Variants in ZNF326 observed in about 807,000 individuals in gnomAD.
The protein encoded by ZNF326 is zinc finger protein 326.
Under a neutral mutation model 63.1 loss-of-function variants are expected in ZNF326, and 30 were observed. The observed-to-expected ratio is 0.48, with a 90% CI of 0.36 to 0.64. The LOEUF (loss-of-function observed/expected upper bound fraction) is 0.64, where lower values mean the gene tolerates loss of function less well. ZNF326 is among the 30% of genes least tolerant of loss of function. The pLI is 0.00. For synonymous variants in ZNF326, 194 were observed against 228.2 expected, an observed-to-expected ratio of 0.85 and a Z score of 1.35; for missense variants, 609 against 720.3, an observed-to-expected ratio of 0.85 and a Z score of 1.77.
intron 11 of ZNF326, 39 bp from the exon 12 acceptor site, chr1:90,027,315 G>T: frequency 6.3e-7 from 1 of 1,590,316 alleles, no homozygotes; most frequent in Non-Finnish European, 8.6e-7. Context: ...ATGTAATAAT[G>T]AATGTGCTGA....
chr1:90,020,778 G>T lies in ZNF326; in HGVS notation c.1175-14G>T. On this transcript the variant is annotated splice_polypyrimidine_tract_variant and intron_variant, in intron 9 of 11. Transcript: ENST00000340281. ...ATATGAATTATTTCTTTAATAATTG[G>T]ATGTCTTTTGTAGGTGTTACTGTAG... is the stretch of plus-strand genomic sequence containing the variant. 1 of 1,590,584 alleles carries T rather than the reference G, an allele frequency of 6.3e-7. No homozygotes were observed. Among genetic ancestry groups the T allele is most frequent in the Non-Finnish European group, 8.5e-7 (1 of 1,170,432 alleles).
At chr1:90,023,715 T>C (rs1649880102) in intron 11 of ZNF326, among the ~76,000 whole-genome samples, 1 of 152,192 alleles carries the variant, frequency 6.6e-6, no homozygotes, top group Non-Finnish European at 1.5e-5. Context: ...ATGAAGATAA[T>C]TTTTAATGAG....
chr1:89,997,593 C>T (rs1648448987), intron 1 of ZNF326, among the ~76,000 whole-genome samples: 1 of 152,096 alleles, frequency 6.6e-6, no homozygotes, highest in East Asian at 1.9e-4. Context: ...GGGCTGGTCT[C>T]GAACTCCTGA....
chr1:90,012,627 AAAG>A (rs1419462606), intron 6 of ZNF326, among the ~76,000 whole-genome samples: 1 of 152,224 alleles, frequency 6.6e-6, no homozygotes, highest in African/African-American at 2.4e-5. Flanking sequence ...ATTTTTTAAA[AAAG>A]AGAACAAATT....
intron 2 of ZNF326, among the ~76,000 whole-genome samples, chr1:90,000,885 C>T (rs1221873119): frequency 2.6e-5 from 4 of 152,104 alleles, no homozygotes; most frequent in African/African-American, 4.8e-5. Context: ...ATGAGCATTC[C>T]AGGCAGAGGG....
intron 1 of ZNF326, among the ~76,000 whole-genome samples, chr1:89,997,824 G>A (rs939170061): frequency 6.6e-6 from 1 of 152,172 alleles, no homozygotes; most frequent in Admixed American, 6.5e-5. Flanking sequence ...GTACAAATCA[G>A]TGCTGAATCC....
intron 11 of ZNF326, among the ~76,000 whole-genome samples, chr1:90,024,980 G>GTTTTTTTTTTTTTT (rs563668519): frequency 7.8e-6 from 1 of 128,536 alleles, no homozygotes; most frequent in Non-Finnish European, 1.6e-5. Context: ...TTTTTTTCCT[G>GTTTTTTTTTTTTTT]TTTTTTTTTT....
At chr1:90,015,269 A>G (rs1649449457) in intron 7 of ZNF326, among the ~76,000 whole-genome samples, 1 of 152,174 alleles carries the variant, frequency 6.6e-6, no homozygotes, top group Admixed American at 6.5e-5. Flanking sequence ...GTTTATATCT[A>G]CCCTTAAGGG....
intron 11 of ZNF326, among the ~76,000 whole-genome samples, chr1:90,023,453 AAAT>A (rs959157935): frequency 1.3e-5 from 2 of 152,176 alleles, no homozygotes; most frequent in African/African-American, 4.8e-5. Context: ...TTTCCAAGCT[AAAT>A]AATATTAGTT....
chr1:89,995,441 C>T (rs994620378), intron 1 of ZNF326, among the ~76,000 whole-genome samples, 168 bp downstream of exon 1: 2 of 152,236 alleles, frequency 1.3e-5, no homozygotes, highest in Middle Eastern at 3.2e-3. Flanking sequence ...TGGGGACCCA[C>T]GCGCCCCGAT....
Position 90,007,850 on chromosome 1 carries a change from G to T in ZNF326, c.615+100G>T. On this transcript the variant is annotated intron_variant, in intron 5 of 11. Transcript: ENST00000340281. The surrounding 1 kb of genome is among the most constrained non-coding windows in gnomAD (Gnocchi z 4.9). The stretch of plus-strand genomic sequence containing the variant: ...ACTAGAATAAACACTGTTCATCCCG[G>T]TGTATTTTGAAGCAAAAGCTGAGTC... The T allele has an allele frequency of 1.7e-6, 2 of 1,184,030 alleles. No individual in the cohort carries two copies. Among genetic ancestry groups the T allele is most frequent in the Non-Finnish European group, 2.2e-6 (2 of 909,262 alleles). 73.3% of individuals were successfully genotyped at this position (1,184,030 alleles called of 1,614,324 possible). A position where few individuals can be genotyped will look rare whatever the true frequency, so the allele number is the denominator to read the frequency against.
At chr1:90,012,595 G>T (rs568871051) in intron 6 of ZNF326, among the ~76,000 whole-genome samples, 2 of 152,248 alleles carry the variant, frequency 1.3e-5, no homozygotes, top group South Asian at 4.1e-4. Flanking sequence ...TATGTTTTGT[G>T]TATTTTATCA....
In ZNF326 at chr1:89,995,154, C is replaced by G. The variant is rs1648274848; in HGVS notation, c.-104C>G. The G allele has an allele frequency of 4.3e-6, 6 of 1,399,296 alleles. No individual in the cohort carries two copies. Among genetic ancestry groups the G allele is most frequent in the South Asian group, 2.5e-5 (2 of 78,572 alleles). The allele number at this position is 1,399,296 out of a possible 1,614,324, so 86.7% of individuals were successfully genotyped here. A position where few individuals can be genotyped will look rare whatever the true frequency, so the allele number is the denominator to read the frequency against. On this transcript the variant is annotated 5_prime_UTR_variant, in exon 1 of 12. Coordinates refer to ENST00000340281, the MANE Select transcript of ZNF326 (RefSeq NM_182976.4). ...GCTCCCGGGCTGGTAGCGCGCCGCT[C>G]TCGGTCGCGCGGAGTGATCGTGTGG...
Position 90,028,100 on chromosome 1 carries a change from A to C in ZNF326, c.*399A>C. ...TTACCCTGGAAGATATAAACTGGGC[A>C]AGTATTTTGTGCTCTGTGTATTTTT... On this transcript the variant is annotated 3_prime_UTR_variant, in exon 12 of 12. Transcript: ENST00000340281. 5.5e-6 allele frequency: 1 copy of C among 181,978 alleles called. No homozygotes were observed. Among genetic ancestry groups the C allele is most frequent in the Non-Finnish European group, 1.2e-5 (1 of 86,302 alleles). The allele number at this position is 181,978 out of a possible 1,614,324, so 11.3% of individuals were successfully genotyped here. A position where few individuals can be genotyped will look rare whatever the true frequency, so the allele number is the denominator to read the frequency against.
chr1:90,010,352 TG>T, intron 6 of ZNF326, 66 bp downstream of exon 6: 6 of 1,525,466 alleles, frequency 3.9e-6, no homozygotes, highest in Non-Finnish European at 5.3e-6. Context: ...CCATACTTTT[TG>T]GTAATTTTTT....
At chr1:90,017,486 G>T in intron 8 of ZNF326, 22 bp downstream of exon 8, 4 of 1,556,404 alleles carry the variant, frequency 2.6e-6, no homozygotes, top group South Asian at 1.3e-5. Flanking sequence ...TTTTTGAAGT[G>T]AGAAGCATTT....
chr1:90,003,125 GTTC>G (rs992020960), intron 2 of ZNF326, among the ~76,000 whole-genome samples: 13 of 148,020 alleles, frequency 8.8e-5, no homozygotes, highest in Admixed American at 2.7e-4. Context: ...TTTTCACTTA[GTTC>G]TTTTTTTTTT....
chr1:90,022,006 A>G (rs978089185), intron 10 of ZNF326, among the ~76,000 whole-genome samples: 2 of 152,160 alleles, frequency 1.3e-5, no homozygotes, highest in African/African-American at 4.8e-5. Flanking sequence ...GCAGCTATCT[A>G]GTAGAATCTA....
At chr1:90,022,059 A>C (rs985587008) in intron 10 of ZNF326, among the ~76,000 whole-genome samples, 191 bp from the exon 11 acceptor site, 1 of 152,082 alleles carries the variant, frequency 6.6e-6, no homozygotes, top group African/African-American at 2.4e-5. Flanking sequence ...TTTGAAGCTG[A>C]TTGGCTTGAA....
Sources: gnomAD v4.1 joint callset for allele counts (sites outside exome capture counted in the v4.1 genomes callset) on GRCh38, gnomAD v4.1.1 for gene constraint, Gnocchi (gnomAD v3.1) non-coding constraint, MANE v1.5 for transcripts, NCBI Gene and HGNC (gene_info 2026-07-23, HGNC 2026-07-21) for gene names.